The following CDH12 variants were observed in gnomAD, a reference collection of about 807,000 sequenced individuals.
The protein encoded by CDH12 is cadherin-12.
A neutral mutation model predicts 74.1 loss-of-function variants in CDH12; 41 were observed. The ratio of observed to expected loss-of-function variants is 0.55; its 90% CI spans 0.43 to 0.72. The LOEUF (loss-of-function observed/expected upper bound fraction) is 0.72, where lower values mean the gene tolerates loss of function less well. Ranked by LOEUF, CDH12 falls within the 30% of genes least tolerant of loss-of-function variation. The probability of loss-of-function intolerance (pLI) is 0.00; values close to 1 mark genes in which losing one functional copy is unlikely to be tolerated. For missense variants in CDH12, 945 were observed against 977.2 expected (o/e 0.97, Z 0.44); for synonymous variants, 399 against 355.0 (o/e 1.12, Z -1.39).
At chr5:21,943,486 C>T (rs1244058590) in intron 6 of CDH12, among the ~76,000 whole-genome samples, 1 of 152,034 alleles carries the variant, frequency 6.6e-6, no homozygotes, top group Non-Finnish European at 1.5e-5. Flanking sequence ...AAAATGTGAA[C>T]TTCAAGTTTC....
At chr5:22,249,406 G>A (rs1267713955) in intron 3 of CDH12, among the ~76,000 whole-genome samples, 3 of 152,128 alleles carry the variant, frequency 2.0e-5, no homozygotes, top group East Asian at 1.9e-4. Flanking sequence ...AAGTGGAGTC[G>A]GAGTAGAGAT....
intron 1 of CDH12, among the ~76,000 whole-genome samples, chr5:22,595,496 A>G (rs1736560000): frequency 1.3e-5 from 2 of 152,238 alleles, no homozygotes; most frequent in Non-Finnish European, 2.9e-5. Context: ...TCATTCAAAG[A>G]CATCTAGATA....
intron 6 of CDH12, among the ~76,000 whole-genome samples, chr5:21,938,138 G>C (rs2150087233): frequency 6.6e-6 from 1 of 152,082 alleles, no homozygotes; most frequent in East Asian, 1.9e-4. Flanking sequence ...TCAAAGGTTT[G>C]TTAATGTCCT....
chr5:22,151,786 T>C (rs1747599626), intron 4 of CDH12: 1 of 152,138 alleles, frequency 6.6e-6, no homozygotes, highest in African/African-American at 2.4e-5. Context: ...AGTCAATATA[T>C]TTAATTACCA....
At chr5:22,823,289 C>T (rs562220088) in intron 1 of CDH12, among the ~76,000 whole-genome samples, 13 of 151,786 alleles carry the variant, frequency 8.6e-5, no homozygotes, top group South Asian at 4.2e-4. Context: ...TGCTAAATGA[C>T]GAGTTAATGG....
At chr5:22,195,056 G>A (rs1168864832) in intron 4 of CDH12, among the ~76,000 whole-genome samples, 2 of 152,182 alleles carry the variant, frequency 1.3e-5, no homozygotes, top group Admixed American at 6.5e-5. Flanking sequence ...ATTATCCCAA[G>A]CCTAGAAATA....
At position 22,012,259 on chromosome 5, in the gene CDH12, GA is replaced by G. The variant is rs547312449; in HGVS notation, c.232-36875del. The stretch of plus-strand genomic sequence containing the variant: ...TGTATTGTATTTTTAAACATCAAAA[GA>G]AAAAATGTTTTTAACTTTAACTCTA... On this transcript the variant is annotated intron_variant, in intron 5 of 14. Transcript: ENST00000382254. 7.5e-3 allele frequency among the ~76,000 whole-genome samples: 1,121 copies of G among 149,428 alleles called. 14 individuals carry two copies. Among genetic ancestry groups the G allele is most frequent in the African/African-American group, 0.025 (1,011 of 40,494 alleles).
intron 1 of CDH12, among the ~76,000 whole-genome samples, chr5:22,746,309 C>A (rs539835687): frequency 6.6e-6 from 1 of 152,076 alleles, no homozygotes; most frequent in Non-Finnish European, 1.5e-5. Flanking sequence ...AATCCCACAA[C>A]AATAACAACA....
intron 5 of CDH12, among the ~76,000 whole-genome samples, chr5:22,000,722 G>C (rs1455596303): frequency 2.0e-5 from 3 of 152,088 alleles, no homozygotes; most frequent in Non-Finnish European, 4.4e-5. Flanking sequence ...CTGTCTTCAA[G>C]TGATGATCGG....
intron 6 of CDH12, among the ~76,000 whole-genome samples, chr5:21,970,468 A>G (rs1289596559): frequency 6.6e-6 from 1 of 152,156 alleles, no homozygotes; most frequent in Admixed American, 6.6e-5. Flanking sequence ...TCTAAGTTAT[A>G]ATAGTTCATT....
At chr5:22,337,779 A>T (rs1055371672) in intron 3 of CDH12, among the ~76,000 whole-genome samples, 1 of 152,248 alleles carries the variant, frequency 6.6e-6, no homozygotes, top group Non-Finnish European at 1.5e-5. Flanking sequence ...GACATTTCTC[A>T]AAAGAACATA....
At chr5:22,266,389 T>A (rs1228013611) in intron 3 of CDH12, among the ~76,000 whole-genome samples, 1 of 152,114 alleles carries the variant, frequency 6.6e-6, no homozygotes, top group Non-Finnish European at 1.5e-5. Flanking sequence ...GTTGATTTTT[T>A]AATTAAACCA....
intron 6 of CDH12, among the ~76,000 whole-genome samples, chr5:21,871,670 TGAGCC>T (rs1437102710): frequency 1.3e-5 from 2 of 152,154 alleles, no homozygotes; most frequent in Non-Finnish European, 2.9e-5. Context: ...TAGGTTGCAA[TGAGCC>T]GAGATTGCAC....
chr5:22,503,285 C>T (rs1580713476), intron 2 of CDH12, among the ~76,000 whole-genome samples: 3 of 151,948 alleles, frequency 2.0e-5, no homozygotes, highest in East Asian at 1.9e-4. Flanking sequence ...TAATACACTG[C>T]CCTATGTGAT....
At chr5:22,294,237 G>A (rs967348167) in intron 3 of CDH12, among the ~76,000 whole-genome samples, 1 of 152,122 alleles carries the variant, frequency 6.6e-6, no homozygotes, top group Non-Finnish European at 1.5e-5. Context: ...GATGATTGAG[G>A]GAAGAGTGTT....
intron 5 of CDH12, among the ~76,000 whole-genome samples, chr5:22,048,101 A>T (rs1159272097): frequency 6.6e-6 from 1 of 152,080 alleles, no homozygotes; most frequent in African/African-American, 2.4e-5. Flanking sequence ...TTTTGCCTGG[A>T]CACATATTGG....
chr5:22,069,164 G>T (rs992192799), intron 5 of CDH12, among the ~76,000 whole-genome samples: 2 of 152,106 alleles, frequency 1.3e-5, no homozygotes, highest in African/African-American at 2.4e-5. Context: ...ACACAGCACT[G>T]CTTCTGATCA....
chr5:22,450,037 A>G (rs1218433308), intron 2 of CDH12, among the ~76,000 whole-genome samples: 1 of 152,066 alleles, frequency 6.6e-6, no homozygotes, highest in East Asian at 1.9e-4. Context: ...ACAATAGATT[A>G]AACACTCTTA....
chr5:22,290,944 C>A (rs201688109), intron 3 of CDH12, among the ~76,000 whole-genome samples: 2 of 152,264 alleles, frequency 1.3e-5, no homozygotes, highest in South Asian at 2.1e-4. Flanking sequence ...GATCTAATAC[C>A]AGTTCTTCTC....
Sources: gnomAD v4.1 joint callset for allele counts (sites outside exome capture counted in the v4.1 genomes callset) on GRCh38, gnomAD v4.1.1 for gene constraint, MANE v1.5 for transcripts, NCBI Gene and HGNC (gene_info 2026-07-23, HGNC 2026-07-21) for gene names.